Variants in PTPRD observed in about 807,000 individuals in gnomAD.
The protein encoded by PTPRD is receptor-type tyrosine-protein phosphatase delta.
In PTPRD, 34 loss-of-function variants were observed where a neutral mutation model predicts 214.5. That is an observed-to-expected ratio of 0.16 (90% CI 0.12 to 0.21). The LOEUF (loss-of-function observed/expected upper bound fraction) is 0.21. Among genes scored for constraint, PTPRD ranks in the 10% least tolerant of loss-of-function variants. PTPRD has a pLI of 1.00. For synonymous variants in PTPRD, 1,128 were observed against 845.7 expected (o/e 1.33, Z -5.79); for missense variants, 2,545 against 2,398.7 (o/e 1.06, Z -1.27).
At chr9:9,545,092 T>A (rs1162173916) in intron 8 of PTPRD, among the ~76,000 whole-genome samples, 2 of 151,642 alleles carry the variant, frequency 1.3e-5, no homozygotes, top group Non-Finnish European at 3.0e-5. Context: ...ATTACCAACA[T>A]CCCCCACCAA....
At chr9:9,421,344 T>G (rs2078741944) in intron 8 of PTPRD, among the ~76,000 whole-genome samples, 1 of 150,922 alleles carries the variant, frequency 6.6e-6, no homozygotes, top group Admixed American at 6.6e-5. Flanking sequence ...CACGTCAAAA[T>G]AATAAAAAAA....
chr9:8,772,619 G>A (rs1287290531), intron 11 of PTPRD, among the ~76,000 whole-genome samples: 1 of 151,786 alleles, frequency 6.6e-6, no homozygotes, highest in Admixed American at 6.6e-5. Flanking sequence ...ATCCAGCCTG[G>A]GCAATAGAGC....
intron 6 of PTPRD, among the ~76,000 whole-genome samples, chr9:9,749,076 C>A (rs1056551952): frequency 6.6e-6 from 1 of 152,050 alleles, no homozygotes; most frequent in Non-Finnish European, 1.5e-5. Context: ...TCCATTAGAA[C>A]AATCCACCTG....
Position 10,593,199 on chromosome 9 carries a change from A to G in PTPRD, c.-600+19199T>C, listed in dbSNP as rs543735497. ...AAAGCAGTGCCTCTTAAACCATAAT[A>G]GAAAACACCTGGGGATCTTGTTAAA... On this transcript the variant is annotated intron_variant, in intron 2 of 45. Coordinates refer to ENST00000381196, the MANE Select transcript of PTPRD (RefSeq NM_002839.4). Among the ~76,000 whole-genome samples, 32 of 152,116 alleles carry G rather than the reference A, an allele frequency of 2.1e-4. 1 individual carries two copies. In the South Asian group the frequency reaches 6.0e-3, roughly 29 times the overall value.
At chr9:8,692,799 A>C (rs1161240148) in intron 12 of PTPRD, among the ~76,000 whole-genome samples, 1 of 152,208 alleles carries the variant, frequency 6.6e-6, no homozygotes, top group Admixed American at 6.5e-5. Flanking sequence ...CCAAATTCAT[A>C]AATTTTCAAA....
At chr9:9,149,128 C>T (rs1999741) in intron 10 of PTPRD, among the ~76,000 whole-genome samples, 107,901 of 152,066 alleles carry the variant, frequency 0.71, 38,447 homozygotes, top group South Asian at 0.75. Flanking sequence ...CCTAGCATCA[C>T]CTGGATAACC....
intron 12 of PTPRD, among the ~76,000 whole-genome samples, chr9:8,645,057 A>G (rs2096658111): frequency 6.6e-6 from 1 of 152,260 alleles, no homozygotes; most frequent in African/African-American, 2.4e-5. Flanking sequence ...TTGCACAGAT[A>G]ATATATCGCA....
chr9:9,924,340 C>G (rs941328525), intron 5 of PTPRD, among the ~76,000 whole-genome samples: 4 of 152,022 alleles, frequency 2.6e-5, no homozygotes, highest in Admixed American at 2.0e-4. Context: ...ATTGCTTTCT[C>G]TATTGAACAG....
intron 6 of PTPRD, among the ~76,000 whole-genome samples, chr9:9,766,461 T>C (rs2098707804): frequency 6.6e-6 from 1 of 152,234 alleles, no homozygotes; most frequent in Non-Finnish European, 1.5e-5. Context: ...TAATTTAATT[T>C]ACATATGTCC....
chr9:8,594,894 A>C (rs1594816927), intron 14 of PTPRD, among the ~76,000 whole-genome samples: 1 of 125,456 alleles, frequency 8.0e-6, no homozygotes, highest in African/African-American at 3.2e-5. Flanking sequence ...ACAGAGTCTC[A>C]CTCTGTCACC....
At chr9:9,783,925 G>T (rs2098891409) in intron 5 of PTPRD, among the ~76,000 whole-genome samples, 1 of 150,898 alleles carries the variant, frequency 6.6e-6, no homozygotes. Context: ...GCAACTGCCA[G>T]AGACTAAAGC....
chr9:10,314,532 G>C (rs1443652223), intron 3 of PTPRD, among the ~76,000 whole-genome samples: 1 of 151,924 alleles, frequency 6.6e-6, no homozygotes, highest in East Asian at 1.9e-4. Flanking sequence ...CATCATATTA[G>C]AAGGGACTGT....
intron 11 of PTPRD, among the ~76,000 whole-genome samples, chr9:8,810,620 C>T (rs769570469): frequency 2.6e-5 from 4 of 152,082 alleles, no homozygotes; most frequent in Admixed American, 6.5e-5. Context: ...ACAGTCATCA[C>T]GTCTTTAGTG....
chr9:8,448,585 T>A (rs1381597073), intron 34 of PTPRD, among the ~76,000 whole-genome samples: 1 of 148,958 alleles, frequency 6.7e-6, no homozygotes, highest in Non-Finnish European at 1.5e-5. Flanking sequence ...GATGAAATAA[T>A]TTTTTTTAAA....
At chr9:9,865,185 G>A (rs1387913581) in intron 5 of PTPRD, among the ~76,000 whole-genome samples, 1 of 152,184 alleles carries the variant, frequency 6.6e-6, no homozygotes, top group African/African-American at 2.4e-5. Flanking sequence ...TCAGGGCTGT[G>A]TGTCACAAGC....
chr9:8,905,543 A>C (rs1446686967), intron 11 of PTPRD, among the ~76,000 whole-genome samples: 1 of 151,996 alleles, frequency 6.6e-6, no homozygotes, highest in Non-Finnish European at 1.5e-5. Flanking sequence ...ATTCAAGACC[A>C]GCCTGGCCAA....
chr9:9,081,720 T>C (rs1237328303), intron 10 of PTPRD, among the ~76,000 whole-genome samples: 1 of 152,108 alleles, frequency 6.6e-6, no homozygotes, highest in Admixed American at 6.6e-5. Context: ...TAGCTCTTCT[T>C]GTTGCAATGA....
At chr9:9,426,252 G>A (rs554337418) in intron 8 of PTPRD, among the ~76,000 whole-genome samples, 2 of 152,316 alleles carry the variant, frequency 1.3e-5, no homozygotes, top group South Asian at 2.1e-4. Flanking sequence ...GGCACACCAG[G>A]AGATTATATT....
At chr9:9,956,040 A>G (rs1341258681) in intron 4 of PTPRD, among the ~76,000 whole-genome samples, 1 of 152,138 alleles carries the variant, frequency 6.6e-6, no homozygotes, top group African/African-American at 2.4e-5. Context: ...GTACCAACCC[A>G]CTAACTGTTG....
Sources: gnomAD v4.1 joint callset for allele counts (sites outside exome capture counted in the v4.1 genomes callset) on GRCh38, gnomAD v4.1.1 for gene constraint, MANE v1.5 for transcripts, NCBI Gene and HGNC (gene_info 2026-07-23, HGNC 2026-07-21) for gene names.